Variants in TAFA1 observed in about 807,000 individuals in gnomAD.
TAFA1 encodes TAFA chemokine like family member 1.
Under a neutral mutation model 18.5 loss-of-function variants are expected in TAFA1, and 4 were observed. That is an observed-to-expected ratio of 0.22 (90% confidence interval 0.11 to 0.49). TAFA1 has a LOEUF of 0.49. TAFA1 is among the 20% of genes least tolerant of loss of function. The probability of loss-of-function intolerance (pLI) is 0.98; values close to 1 mark genes in which losing one functional copy is unlikely to be tolerated. For synonymous variants in TAFA1, 56 were observed against 55.2 expected (o/e 1.01, Z -0.06); for missense variants, 147 against 169.0 (o/e 0.87, Z 0.72).
chr3:68,338,243 G>A (rs545804021), intron 2 of TAFA1, among the ~76,000 whole-genome samples: 3 of 152,174 alleles, frequency 2.0e-5, no homozygotes, highest in East Asian at 3.9e-4. Flanking sequence ...AGTGCTTATC[G>A]GTGTTCAAAA....
At chr3:68,129,588 C>T (rs1377114662) in intron 2 of TAFA1, among the ~76,000 whole-genome samples, 1 of 152,158 alleles carries the variant, frequency 6.6e-6, no homozygotes, top group African/African-American at 2.4e-5. Flanking sequence ...AGGCAAGATG[C>T]TGGTTCCATA....
At chr3:68,462,742 T>C (rs571036946) in intron 3 of TAFA1, among the ~76,000 whole-genome samples, 3 of 152,300 alleles carry the variant, frequency 2.0e-5, no homozygotes, top group Non-Finnish European at 4.4e-5. Context: ...TATGCTGTTT[T>C]ATGTTACGTG....
At chr3:68,469,218 A>G (rs1176978665) in intron 3 of TAFA1, among the ~76,000 whole-genome samples, 1 of 151,760 alleles carries the variant, frequency 6.6e-6, no homozygotes, top group Non-Finnish European at 1.5e-5. Context: ...AAAATATTAA[A>G]ATACTAGTAT....
Position 68,538,857 on chromosome 3 carries a change from G to T in TAFA1, c.361G>T (p.Gly121Cys). 1 of 1,613,494 alleles carries T rather than the reference G, an allele frequency of 6.2e-7. No individual in the cohort carries two copies. The highest frequency in any genetic ancestry group is 8.5e-7 in the Non-Finnish European group (1 of 1,179,620). Residue 121 changes from glycine to cysteine, a missense_variant, in exon 4 of 5, where the codon GGC becomes TGC. Physicochemically the swap from Gly to Cys is radical, Grantham distance 159. Transcript: ENST00000478136. ...PDNSGWMCAT[G>C]NKIKTTRIHP... is the part of the protein sequence containing the mutation. ...CAATTCTGGATGGATGTGCGCAACA[G>T]GCAACAAAATTAAGACCACGAGAGT...
chr3:68,455,991 T>C (rs1387330854), intron 3 of TAFA1, among the ~76,000 whole-genome samples: 1 of 152,208 alleles, frequency 6.6e-6, no homozygotes, highest in Non-Finnish European at 1.5e-5. Context: ...TGGGAGCAAG[T>C]AGATTACTTG....
At chr3:68,187,882 G>A (rs572013303) in intron 2 of TAFA1, among the ~76,000 whole-genome samples, 23 of 151,924 alleles carry the variant, frequency 1.5e-4, no homozygotes, top group African/African-American at 3.6e-4. Context: ...GTAGCATTGC[G>A]GCTTTAATTT....
At chr3:68,042,361 T>C (rs1039027432) in intron 2 of TAFA1, among the ~76,000 whole-genome samples, 2 of 152,214 alleles carry the variant, frequency 1.3e-5, no homozygotes, top group African/African-American at 4.8e-5. Context: ...CATTAAACTT[T>C]ATATATTGCT....
At chr3:68,389,590 A>G (rs1319353690) in intron 2 of TAFA1, among the ~76,000 whole-genome samples, 1 of 152,188 alleles carries the variant, frequency 6.6e-6, no homozygotes, top group Non-Finnish European at 1.5e-5. Context: ...AAATAGGAAC[A>G]GCTCCGGTCT....
intron 2 of TAFA1, among the ~76,000 whole-genome samples, chr3:68,076,113 T>C (rs1365618222): frequency 6.6e-6 from 1 of 152,190 alleles, no homozygotes; most frequent in Non-Finnish European, 1.5e-5. Flanking sequence ...GTTCCACTGT[T>C]ATTTAAGCAT....
rs553939822 is a variant in TAFA1 at position 68,212,952 on chromosome 3, C to T, written c.119-204328C>T. ...AGGAAAAGTCATCTTTAGAAACTCT[C>T]AGGATATGCCACATTCCCTCGCGTT... On this transcript the variant is annotated intron_variant, in intron 2 of 4. Coordinates refer to ENST00000478136, the MANE Select transcript of TAFA1 (RefSeq NM_213609.4). 3.3e-5 allele frequency among the ~76,000 whole-genome samples: 5 copies of T among 151,978 alleles called. No homozygotes were observed. The East Asian group carries it at 9.8e-4, about 30-fold the overall frequency.
At position 68,510,454 on chromosome 3, in the gene TAFA1, C is replaced by T. The variant is rs1226469428; in HGVS notation, c.260-28302C>T. ...GGAAGCACAATGTTAACTCTCCCAT[C>T]TCCTGAAGAGCAGCCTGCATCCCTT... On this transcript the variant is annotated intron_variant, in intron 3 of 4. Coordinates refer to ENST00000478136, the MANE Select transcript of TAFA1 (RefSeq NM_213609.4). 2.0e-5 allele frequency among the ~76,000 whole-genome samples: 3 copies of T among 152,094 alleles called. No homozygotes were observed. The East Asian group carries it at 5.8e-4, about 29-fold the overall frequency.
In TAFA1 at chr3:68,465,056, G is replaced by T. The variant is rs115995537; in HGVS notation, c.259+47636G>T. Among the ~76,000 whole-genome samples the T allele has an allele frequency of 3.2e-3, 492 of 152,132 alleles. 4 individuals carry two copies. Among genetic ancestry groups the T allele is most frequent in the African/African-American group, 0.011 (464 of 41,496 alleles). ...GTACAAAATAATTCCAATCCCCTTC[G>T]CTAGTGATTGGCTTAGGCGTGGGCA... On this transcript the variant is annotated intron_variant, in intron 3 of 4. Transcript: ENST00000478136.
chr3:68,013,644 A>C (rs1238655012), intron 2 of TAFA1, among the ~76,000 whole-genome samples: 2 of 152,194 alleles, frequency 1.3e-5, no homozygotes, highest in African/African-American at 4.8e-5. Flanking sequence ...AGCAGAGAGA[A>C]AATAACACCA....
At chr3:68,237,440 T>C (rs2066942115) in intron 2 of TAFA1, among the ~76,000 whole-genome samples, 2 of 152,184 alleles carry the variant, frequency 1.3e-5, no homozygotes, top group Non-Finnish European at 2.9e-5. Flanking sequence ...ATTCAGACCA[T>C]AGCAATAACA....
intron 2 of TAFA1, among the ~76,000 whole-genome samples, chr3:68,243,804 G>A (rs1197909350): frequency 6.6e-6 from 1 of 152,126 alleles, no homozygotes; most frequent in Non-Finnish European, 1.5e-5. Flanking sequence ...AAATACCACA[G>A]TGTGCGATTT....
At chr3:68,272,519 G>T (rs1171442015) in intron 2 of TAFA1, among the ~76,000 whole-genome samples, 1 of 152,054 alleles carries the variant, frequency 6.6e-6, no homozygotes, top group Non-Finnish European at 1.5e-5. Flanking sequence ...TGCAATAAAT[G>T]GAACATAATG....
chr3:68,176,027 C>T (rs894997686), intron 2 of TAFA1, among the ~76,000 whole-genome samples: 2 of 152,174 alleles, frequency 1.3e-5, no homozygotes, highest in Admixed American at 6.5e-5. Context: ...TCTTTGCCTG[C>T]ACCATCCACA....
At chr3:68,461,110 C>G (rs114827207) in intron 3 of TAFA1, among the ~76,000 whole-genome samples, 2,624 of 151,754 alleles carry the variant, frequency 0.017, 88 homozygotes, top group African/African-American at 0.06. Flanking sequence ...AGTTAAACCT[C>G]GACTCTAATG....
At chr3:68,182,654 G>T (rs183659411) in intron 2 of TAFA1, among the ~76,000 whole-genome samples, 11 of 152,234 alleles carry the variant, frequency 7.2e-5, no homozygotes, top group Non-Finnish European at 1.3e-4. Flanking sequence ...CTCTTTTAAA[G>T]TACTTGTCAA....
Sources: gnomAD v4.1 joint callset for allele counts (sites outside exome capture counted in the v4.1 genomes callset) on GRCh38, gnomAD v4.1.1 for gene constraint, MANE v1.5 for transcripts, NCBI Gene and HGNC (gene_info 2026-07-23, HGNC 2026-07-21) for gene names.